ZNF497: variants seen among roughly 807,000 people sequenced by gnomAD.
The protein encoded by ZNF497 is zinc finger-like protein.
For synonymous variants in ZNF497, 422 were observed against 313.7 expected (o/e 1.35, Z -3.65); for missense variants, 930 against 714.0 (o/e 1.30, Z -3.45).
In ZNF497 at chr19:58,356,278, C is replaced by A. The variant is rs138638462; in HGVS notation, c.1358G>T (p.Arg453Leu). 300 of 1,588,600 alleles carry A rather than the reference C, an allele frequency of 1.9e-4. No individual in the cohort carries two copies. The African/African-American group carries it at 3.5e-3, about 19-fold the overall frequency. ...VCAHCSKAFVRKSELLSHRRT... is the reference protein window; with the variant it reads ...VCAHCSKAFVLKSELLSHRRT... The stretch of plus-strand genomic sequence containing the variant: ...CCGGTGGCTTAAGAGCTCCGACTTG[C>A]GCACGAAGGCCTTGCTGCAGTGGGC... The change falls in exon 3 of 3, where the codon CGC becomes CTC. Residue 453 changes from arginine (R) to leucine (L), a missense_variant. Physicochemically the swap from Arg to Leu is moderately radical, Grantham distance 102 (BLOSUM62 -2). Coordinates refer to ENST00000311044, the MANE Select transcript of ZNF497 (RefSeq NM_198458.3).
rs2052000434 is a variant in ZNF497, at chr19:58,354,848, CTCAGAAG to C, written c.*1284_*1290del. Reference sequence around the variant, plus strand: ...AGCAGAGCTCAGGGTGTGCACAGAACTCAGAAGTCAGACCACTGAACAGTGACAGAAC... The same window carrying C: ...AGCAGAGCTCAGGGTGTGCACAGAACTCAGACCACTGAACAGTGACAGAAC... On this transcript the variant is annotated 3_prime_UTR_variant, in exon 3 of 3. Transcript: ENST00000311044. The C allele has an allele frequency of 1.3e-5, 2 of 152,522 alleles. No homozygotes were observed. The highest frequency in any genetic ancestry group is 4.8e-5 in the African/African-American group (2 of 41,602). 9.4% of individuals were successfully genotyped at this position (152,522 alleles called of 1,614,324 possible). A position where few individuals can be genotyped will look rare whatever the true frequency, so the allele number is the denominator to read the frequency against.
Position 58,356,489 on chromosome 19 carries a change from C to A in ZNF497, c.1147G>T (p.Ala383Ser). The A allele has an allele frequency of 6.5e-7, 1 of 1,548,630 alleles. No homozygotes were observed. The highest frequency in any genetic ancestry group is 8.7e-7 in the Non-Finnish European group (1 of 1,152,914). Residue 383 changes from alanine (A) to serine (S), a missense_variant, in exon 3 of 3, where the codon GCC becomes TCC. By Grantham distance (99) the Ala-to-Ser change is moderately conservative. Coordinates refer to ENST00000311044, the MANE Select transcript of ZNF497 (RefSeq NM_198458.3). ...CAGTCGGCGCAGGCGAAGGGCTTGG[C>A]GCCCGAGTGCGTGCGCCGGTGGCTC... ...LLSHRRTHSG[A>S]KPFACADCGK...
At chr19:58,359,610 A>T (rs1280339362) in intron 1 of ZNF497, 2 of 375,708 alleles carry the variant, frequency 5.3e-6, no homozygotes, top group East Asian at 1.5e-4. Context: ...TAAGACAGAG[A>T]CTGTGAACAG....
At position 58,357,452 on chromosome 19, in the gene ZNF497, C is replaced by T. The variant is rs967205919; in HGVS notation, c.184G>A (p.Gly62Arg). 2 of 1,599,840 alleles carry T rather than the reference C, an allele frequency of 1.3e-6. No homozygotes were observed. The highest frequency in any genetic ancestry group is 1.7e-6 in the Non-Finnish European group (2 of 1,173,116). Reference protein sequence around the residue: ...GDGQRQQATLGAADEQGGPGR... With the variant: ...GDGQRQQATLRAADEQGGPGR... ...GGGCCTCCCTGTTCGTCCGCCGCCCCCAGTGTGGCTTGCTGCCGCTGGCCG... is the reference window on the plus strand; with the variant it reads ...GGGCCTCCCTGTTCGTCCGCCGCCCTCAGTGTGGCTTGCTGCCGCTGGCCG... The change falls in exon 3 of 3, where the codon GGG (glycine) becomes AGG (arginine). Residue 62 changes from glycine (G) to arginine (R), a missense_variant. Transcript: ENST00000311044.
intron 2 of ZNF497, chr19:58,358,276 A>C (rs1259846042): frequency 7.8e-7 from 1 of 1,289,634 alleles, no homozygotes; most frequent in Non-Finnish European, 1.0e-6. Flanking sequence ...GTGGCTGTGC[A>C]GCCCAGATCC....
chr19:58,357,858 G>T (rs2052046464), intron 2 of ZNF497: 19 of 1,315,410 alleles, frequency 1.4e-5, no homozygotes, highest in Non-Finnish European at 1.7e-5. Context: ...GGGCCTGCCT[G>T]ACAGGGCCAC....
In ZNF497 at chr19:58,357,036, G is replaced by C; in HGVS notation, c.600C>G (p.Gly200=). 6.2e-7 allele frequency: 1 copy of C among 1,610,534 alleles called. No individual in the cohort carries two copies. The highest frequency in any genetic ancestry group is 1.1e-5 in the South Asian group (1 of 90,848). The change falls in exon 3 of 3, where the codon GGC becomes GGG. Residue 200 remains glycine, a synonymous_variant. Transcript: ENST00000311044. ...GGTGCTGCACCAGCGTGGTGCTTCG[G>C]CCGAAGGACTTGCCGCAGTCCGGGC... ...FRCPDCGKSF[G]RSTTLVQHRR...
At position 58,356,082 on chromosome 19, in the gene ZNF497, C is replaced by T. The variant is rs1279495035; in HGVS notation, c.*57G>A. 1.4e-6 allele frequency: 2 copies of T among 1,468,266 alleles called. No homozygotes were observed. Among genetic ancestry groups the T allele is most frequent in the African/African-American group, 1.4e-5 (1 of 70,604 alleles). 91.0% of individuals were successfully genotyped at this position (1,468,266 alleles called of 1,614,324 possible). On this transcript the variant is annotated 3_prime_UTR_variant, in exon 3 of 3. Transcript: ENST00000311044. ...TCTGGGCCAGCAGACAGCGCACTCA[C>T]GCCCGAGACCCCGCAATGCCGTGTG...
chr19:58,356,134 T>C lies in ZNF497; in HGVS notation c.*5A>G. On this transcript the variant is annotated 3_prime_UTR_variant, in exon 3 of 3. Transcript: ENST00000311044. ...CCGCGACCTCCCGCTCAGGGCGTCCTCGGGTCAGGGCGCAGCGCGGCCCCC... is the reference window on the plus strand; with the variant it reads ...CCGCGACCTCCCGCTCAGGGCGTCCCCGGGTCAGGGCGCAGCGCGGCCCCC... The C allele has an allele frequency of 6.5e-7, 1 of 1,532,962 alleles. No homozygotes were observed. The allele number at this position is 1,532,962 out of a possible 1,614,324, so 95.0% of individuals were successfully genotyped here. A position where few individuals can be genotyped will look rare whatever the true frequency, so the allele number is the denominator to read the frequency against.
rs368691807 is a variant in ZNF497, at chr19:58,356,972, C to T, written c.664G>A (p.Glu222Lys). 3.1e-6 allele frequency: 5 copies of T among 1,607,598 alleles called. No individual in the cohort carries two copies. Among genetic ancestry groups the T allele is most frequent in the Non-Finnish European group, 4.2e-6 (5 of 1,178,504 alleles). Residue 222 changes from glutamate to lysine, a missense_variant, in exon 3 of 3, where the codon GAG becomes AAG. Physicochemically the swap from Glu to Lys is moderately conservative, Grantham distance 56. Coordinates refer to ENST00000311044, the MANE Select transcript of ZNF497 (RefSeq NM_198458.3). The part of the protein sequence containing the change: ...HTGEKPYECP[E>K]CGKAFSWNSN... ...TTCCAGCTGAAGGCCTTGCCGCACTCCGGGCACTCGTAGGGCTTCTCGCCC... is the reference window on the plus strand; with the variant it reads ...TTCCAGCTGAAGGCCTTGCCGCACTTCGGGCACTCGTAGGGCTTCTCGCCC...
chr19:58,357,540 C>A lies in ZNF497; in HGVS notation c.96G>T (p.Gly32=), dbSNP rs148878757. 15 of 1,606,052 alleles carry A rather than the reference C, an allele frequency of 9.3e-6. No individual in the cohort carries two copies. The Middle Eastern group carries it at 6.6e-4, about 71-fold the overall frequency. ...VKTATRGLSE[G]AVSGGWGAWE... ...AGGCCCCCCAGCCTCCAGACACAGC[C>A]CCCTCAGAGAGGCCCCTCGTGGCAG... Residue 32 remains glycine (G), a synonymous_variant, in exon 3 of 3, where the codon GGG becomes GGT. Transcript: ENST00000311044.
Position 58,356,432 on chromosome 19 carries a change from C to A in ZNF497, c.1204G>T (p.Ala402Ser). The A allele has an allele frequency of 6.4e-7, 1 of 1,559,694 alleles. No homozygotes were observed. The highest frequency in any genetic ancestry group is 1.9e-5 in the Admixed American group (1 of 54,012). The change falls in exon 3 of 3, where the codon GCG (alanine) becomes TCG (serine). Residue 402 changes from alanine (A) to serine (S), a missense_variant. By Grantham distance (99) the Ala-to-Ser change is moderately conservative. Coordinates refer to ENST00000311044, the MANE Select transcript of ZNF497 (RefSeq NM_198458.3). ...CCCGTGTGCGAAAGCCGGTGGTGCGCCAGGCCGGAACTGCCGCGGAAGGCC... is the reference window on the plus strand; with the variant it reads ...CCCGTGTGCGAAAGCCGGTGGTGCGACAGGCCGGAACTGCCGCGGAAGGCC... ...GKAFRGSSGL[A>S]HHRLSHTGER...
intron 2 of ZNF497, chr19:58,358,135 C>G: frequency 7.9e-7 from 1 of 1,272,514 alleles, no homozygotes; most frequent in Non-Finnish European, 1.0e-6. Context: ...CCACCCTGGC[C>G]GGATCCCTGG....
At position 58,357,226 on chromosome 19, in the gene ZNF497, G is replaced by A; in HGVS notation, c.410C>T (p.Pro137Leu). The A allele has an allele frequency of 6.2e-7, 1 of 1,612,666 alleles. No individual in the cohort carries two copies. Among genetic ancestry groups the A allele is most frequent in the Non-Finnish European group, 8.5e-7 (1 of 1,179,650 alleles). The change falls in exon 3 of 3, where the codon CCC becomes CTC. Residue 137 changes from proline to leucine, a missense_variant. Transcript: ENST00000311044. Reference protein sequence around the residue: ...VHTGEKPYTCPECGKAFAWSS... With the variant: ...VHTGEKPYTCLECGKAFAWSS... ...CCAGGCGAAGGCCTTGCCGCACTCG[G>A]GGCACGTGTACGGCTTCTCGCCTGT...
In ZNF497 at chr19:58,356,493, C is replaced by A; in HGVS notation, c.1143G>T (p.Ser381=). The A allele has an allele frequency of 6.5e-7, 1 of 1,547,800 alleles. No homozygotes were observed. Among genetic ancestry groups the A allele is most frequent in the Non-Finnish European group, 8.7e-7 (1 of 1,152,556 alleles). ...CGGCGCAGGCGAAGGGCTTGGCGCC[C>A]GAGTGCGTGCGCCGGTGGCTCAGTA... ...SNLLSHRRTH[S]GAKPFACADC... Residue 381 remains serine, a synonymous_variant, in exon 3 of 3, where the codon TCG becomes TCT. Coordinates refer to ENST00000311044, the MANE Select transcript of ZNF497 (RefSeq NM_198458.3).
intron 1 of ZNF497, 43 bp from the exon 2 acceptor site, chr19:58,358,628 T>A: frequency 9.4e-7 from 1 of 1,068,266 alleles, no homozygotes; most frequent in Non-Finnish European, 1.2e-6. Flanking sequence ...GTGTTCAGCC[T>A]AGCAGATCTG....
At chr19:58,361,720 T>C (rs775512257) in intron 1 of ZNF497, among the ~76,000 whole-genome samples, 17 of 152,238 alleles carry the variant, frequency 1.1e-4, no homozygotes, top group Non-Finnish European at 4.4e-5. Flanking sequence ...TATGCATTAC[T>C]TGTTACTGCA....
In ZNF497 at chr19:58,357,087, T is replaced by C. The variant is rs139784010; in HGVS notation, c.549A>G (p.Thr183=). 6.2e-7 allele frequency: 1 copy of C among 1,607,462 alleles called. No individual in the cohort carries two copies. Among genetic ancestry groups the C allele is most frequent in the African/African-American group, 1.3e-5 (1 of 74,422 alleles). ...AGCGGAAGGGCTTCAGGCCGCTGTGTGTCTCCTGGTGGTGGATGAGCTGCG... is the reference window on the plus strand; with the variant it reads ...AGCGGAAGGGCTTCAGGCCGCTGTGCGTCTCCTGGTGGTGGATGAGCTGCG... ...AHSQLIHHQE[T]HSGLKPFRCP... is the part of the protein sequence containing the mutation. Residue 183 remains threonine (T), a synonymous_variant, in exon 3 of 3, where the codon ACA becomes ACG. Coordinates refer to ENST00000311044, the MANE Select transcript of ZNF497 (RefSeq NM_198458.3).
At position 58,354,676 on chromosome 19, in the gene ZNF497, T is replaced by G. The variant is rs1429521253; in HGVS notation, c.*1463A>C. The G allele has an allele frequency of 6.6e-6, 1 of 152,434 alleles. No individual in the cohort carries two copies. The highest frequency in any genetic ancestry group is 1.5e-5 in the Non-Finnish European group (1 of 68,212). The allele number at this position is 152,434 out of a possible 1,614,324, so 9.4% of individuals were successfully genotyped here. On this transcript the variant is annotated 3_prime_UTR_variant, in exon 3 of 3. Coordinates refer to ENST00000311044, the MANE Select transcript of ZNF497 (RefSeq NM_198458.3). ...ACCTGCTGCATGCTCTCTGTCCTGC[T>G]CAGAGCCAGTACCTGGATGGAGGCT...
Sources: allele counts gnomAD v4.1 joint callset (sites outside exome capture counted in the v4.1 genomes callset), GRCh38; gene constraint gnomAD v4.1.1; transcripts MANE v1.5; gene names NCBI Gene and HGNC (gene_info 2026-07-23, HGNC 2026-07-21).